Variants in FAM81A observed in about 807,000 individuals in gnomAD.
The protein encoded by FAM81A is family with sequence similarity 81 member A.
FAM81A carries 19 observed loss-of-function variants against 46.7 expected under a neutral mutation model. The observed-to-expected ratio is 0.41, with a 90% CI of 0.28 to 0.60. The LOEUF is 0.60. FAM81A is among the 20% of genes least tolerant of loss of function. FAM81A has a pLI of 0.34. For missense variants in FAM81A, 377 were observed against 453.5 expected, an observed-to-expected ratio of 0.83 and a Z score of 1.53; for synonymous variants, 183 against 152.9, an observed-to-expected ratio of 1.20 and a Z score of -1.45.
At chr15:59,474,439 A>G (rs906478538) in intron 3 of FAM81A, among the ~76,000 whole-genome samples, 1 of 152,184 alleles carries the variant, frequency 6.6e-6, no homozygotes, top group Non-Finnish European at 1.5e-5. Context: ...GGCAAGAATG[A>G]TGAATCCTGT....
rs1322520647 is a variant in FAM81A, at chr15:59,460,155, G to A, written c.243G>A (p.Glu81=). ...GCTTGGCCAGGCTTTTCTTGGAGGA[G>A]CATATCAGAAACATAACTGCCATAG... ...GDRLARLFLE[E]HIRNITAIVK... Residue 81 remains glutamate, a synonymous_variant, in exon 3 of 9, where the codon GAG becomes GAA. Coordinates refer to ENST00000288228, the MANE Select transcript of FAM81A (RefSeq NM_152450.3). This position sits in a 1 kb window ranked among gnomAD's most constrained non-coding sequence, Gnocchi z 4.4. 2 of 1,613,934 alleles carry A rather than the reference G, an allele frequency of 1.2e-6. No homozygotes were observed. The highest frequency in any genetic ancestry group is 1.7e-6 in the Non-Finnish European group (2 of 1,179,906).
At position 59,458,414 on chromosome 15, in the gene FAM81A, A is replaced by T. The variant is rs1386298447; in HGVS notation, c.-77-136A>T. The T allele has an allele frequency of 3.3e-5, 20 of 614,538 alleles. No homozygotes were observed. In the East Asian group the frequency reaches 5.5e-4, roughly 17 times the overall value. 38.1% of individuals were successfully genotyped at this position (614,538 alleles called of 1,614,324 possible). On this transcript the variant is annotated intron_variant, in intron 1 of 8. Coordinates refer to ENST00000288228, the MANE Select transcript of FAM81A (RefSeq NM_152450.3). ...ATATGCTGTTTATTTCATGTATAAG[A>T]TACAAAACATTTAATAATATAACTT...
chr15:59,516,623 C>T lies in FAM81A; in HGVS notation c.787-22C>T, dbSNP rs376234652. The T allele has an allele frequency of 1.4e-5, 22 of 1,599,024 alleles. No homozygotes were observed. In the African/African-American group the frequency reaches 2.3e-4, roughly 17 times the overall value. ...GATTTCTTTTTGGAGTGATTAAGTG[C>T]AGTTCTTATCATGGATCTCAGGGAG... On this transcript the variant is annotated intron_variant, in intron 7 of 8. Coordinates refer to ENST00000288228, the MANE Select transcript of FAM81A (RefSeq NM_152450.3).
intron 3 of FAM81A, among the ~76,000 whole-genome samples, chr15:59,486,771 A>G (rs1189411640): frequency 6.6e-6 from 1 of 152,228 alleles, no homozygotes; most frequent in East Asian, 1.9e-4. Context: ...AAAACCTACC[A>G]TAGTGTATCT....
chr15:59,468,616 T>C (rs550680235), intron 3 of FAM81A, among the ~76,000 whole-genome samples: 2 of 152,038 alleles, frequency 1.3e-5, no homozygotes, highest in Admixed American at 1.3e-4. Context: ...TTTATTAGTC[T>C]TGCTAGCAGT....
At chr15:59,467,397 T>C (rs79015880) in intron 3 of FAM81A, among the ~76,000 whole-genome samples, 88,745 of 152,024 alleles carry the variant, frequency 0.58, 26,639 homozygotes, top group Admixed American at 0.68. Context: ...CAGTGGTTTG[T>C]AGTTCTTCCT....
At chr15:59,474,285 A>G (rs1407948732) in intron 3 of FAM81A, among the ~76,000 whole-genome samples, 1 of 152,222 alleles carries the variant, frequency 6.6e-6, no homozygotes, top group Non-Finnish European at 1.5e-5. Flanking sequence ...TGCTATAACA[A>G]AATACCTGAG....
intron 1 of FAM81A, chr15:59,401,460 C>G (rs1407261537): frequency 1.3e-6 from 1 of 783,118 alleles, no homozygotes; most frequent in Non-Finnish European, 2.3e-6. Flanking sequence ...GTTACATGGG[C>G]TTTCTTGAAA....
Position 59,516,691 on chromosome 15 carries a change from C to G in FAM81A, c.833C>G (p.Ala278Gly). The G allele has an allele frequency of 6.2e-7, 1 of 1,613,406 alleles. No homozygotes were observed. Among genetic ancestry groups the G allele is most frequent in the South Asian group, 1.1e-5 (1 of 91,008 alleles). Residue 278 changes from alanine to glycine, a missense_variant, in exon 8 of 9, where the codon GCC becomes GGC. Coordinates refer to ENST00000288228, the MANE Select transcript of FAM81A (RefSeq NM_152450.3). ...GAGAAGAAGCTCAGCCAGATGTCAG[C>G]CAGGCTTGACAAAATAGAAGAGGGT... Reference protein sequence around the residue: ...DMEKKLSQMSARLDKIEEGQK... With the variant: ...DMEKKLSQMSGRLDKIEEGQK...
chr15:59,519,232 A>G (rs1478855037), intron 8 of FAM81A, among the ~76,000 whole-genome samples: 4 of 150,492 alleles, frequency 2.7e-5, no homozygotes, highest in Non-Finnish European at 5.9e-5. Flanking sequence ...TCTGTCGCCC[A>G]GGCTGGAGTG....
At chr15:59,477,079 C>T (rs2081780954) in intron 3 of FAM81A, among the ~76,000 whole-genome samples, 1 of 151,236 alleles carries the variant, frequency 6.6e-6, no homozygotes, top group Admixed American at 6.6e-5. Flanking sequence ...GAGATCGTGC[C>T]ACTGCCCTCC....
At chr15:59,455,616 A>G (rs2081474163) in intron 1 of FAM81A, among the ~76,000 whole-genome samples, 3 of 152,350 alleles carry the variant, frequency 2.0e-5, no homozygotes, top group Admixed American at 2.0e-4. Context: ...TCCTCACCAC[A>G]TTCATAAAGG....
intron 4 of FAM81A, among the ~76,000 whole-genome samples, chr15:59,493,914 A>C (rs2082007657): frequency 6.6e-6 from 1 of 152,000 alleles, no homozygotes; most frequent in Non-Finnish European, 1.5e-5. Context: ...ACTTCTTTTC[A>C]GTCTTTAAAG....
At chr15:59,423,584 ATATG>A (rs1293363351) in intron 2 of FAM81A, among the ~76,000 whole-genome samples, 1 of 152,238 alleles carries the variant, frequency 6.6e-6, no homozygotes, top group Non-Finnish European at 1.5e-5. Flanking sequence ...CAGACTTATT[ATATG>A]TGACAAAAGG....
chr15:59,443,208 G>A (rs1297312937), intron 1 of FAM81A, among the ~76,000 whole-genome samples: 1 of 152,122 alleles, frequency 6.6e-6, no homozygotes, highest in Non-Finnish European at 1.5e-5. Context: ...TCAGCCTCCC[G>A]AGTAGCTGGG....
chr15:59,404,407 G>T (rs1208275551), intron 2 of FAM81A, among the ~76,000 whole-genome samples: 1 of 152,096 alleles, frequency 6.6e-6, no homozygotes, highest in Non-Finnish European at 1.5e-5. Context: ...AGGTAGAAAG[G>T]CTGTTCACTT....
chr15:59,462,220 AC>A (rs1234029013), intron 3 of FAM81A, among the ~76,000 whole-genome samples: 43 of 151,742 alleles, frequency 2.8e-4, no homozygotes, highest in African/African-American at 5.8e-4. Context: ...AAAAAAAAAA[AC>A]ATAGCCAAAT....
chr15:59,514,650 T>C (rs1369469969), intron 7 of FAM81A, among the ~76,000 whole-genome samples: 1 of 152,238 alleles, frequency 6.6e-6, no homozygotes, highest in Non-Finnish European at 1.5e-5. Flanking sequence ...TTCAGTACTT[T>C]CAGTTAAGAT....
At position 59,460,259 on chromosome 15, in the gene FAM81A, A is replaced by G. The variant is rs758530078; in HGVS notation, c.294+53A>G. ...ATGTCCCTTTCCACAGAATTGCTCC[A>G]TGTCAGGAGGTCACCCACATCTAAC... On this transcript the variant is annotated intron_variant, in intron 3 of 8. Coordinates refer to ENST00000288228, the MANE Select transcript of FAM81A (RefSeq NM_152450.3). The surrounding 1 kb of genome is among the most constrained non-coding windows in gnomAD (Gnocchi z 4.4). 31 of 1,612,782 alleles carry G rather than the reference A, an allele frequency of 1.9e-5. No individual in the cohort carries two copies. Among genetic ancestry groups the G allele is most frequent in the Non-Finnish European group, 1.8e-5 (21 of 1,179,266 alleles).
Sources: gnomAD v4.1 joint callset for allele counts (sites outside exome capture counted in the v4.1 genomes callset) on GRCh38, gnomAD v4.1.1 for gene constraint, Gnocchi (gnomAD v3.1) non-coding constraint, MANE v1.5 for transcripts, NCBI Gene and HGNC (gene_info 2026-07-23, HGNC 2026-07-21) for gene names.